The following KLF8 variants were observed in gnomAD, a reference collection of about 807,000 sequenced individuals.
KLF8 encodes the protein KLF transcription factor 8.
In KLF8, 10 loss-of-function variants were observed where a neutral mutation model predicts 18.2. That is an observed-to-expected ratio of 0.55 (90% confidence interval 0.34 to 0.93). The LOEUF is 0.93. Among genes scored for constraint, KLF8 ranks in the 40% least tolerant of loss-of-function variants. The probability of loss-of-function intolerance (pLI) is 0.02; values close to 1 mark genes in which losing one functional copy is unlikely to be tolerated. For synonymous variants in KLF8, 109 were observed against 97.3 expected, an observed-to-expected ratio of 1.12 and a Z score of -0.71; for missense variants, 264 against 277.9, an observed-to-expected ratio of 0.95 and a Z score of 0.36.
the KLF8 span, among the ~76,000 whole-genome samples, chrX:56,211,033 T>C: frequency 9.0e-6 from 1 of 111,537 alleles, no homozygotes; most frequent in East Asian, 2.8e-4. Context: ...TTCTCCAGGA[T>C]TGGCCATTTA....
In KLF8 at chrX:56,289,003, G is replaced by A. The variant is rs908832152; in HGVS notation, c.*4509G>A. Among the ~76,000 whole-genome samples the A allele has an allele frequency of 2.7e-5, 3 of 111,903 alleles. No individual in the cohort carries two copies. Among genetic ancestry groups the A allele is most frequent in the Non-Finnish European group, 5.6e-5 (3 of 53,215 alleles). On this transcript the variant is annotated 3_prime_UTR_variant, in exon 6 of 6. Transcript: ENST00000468660. ...GCAGCCCATGCTTCTGGAGTGGTAA[G>A]TTATATGCCACACCCTTCAGAGCAT...
chrX:56,270,372 ACACACACAC>A lies in KLF8; in HGVS notation c.898+52_898+60del, dbSNP rs770155497. ...AACACACACACACACACACACACAC[ACACACACAC>A]GAGAGAGAGAGAGAGAGAGGGGCAG... On this transcript the variant is annotated intron_variant, in intron 5 of 5. Coordinates refer to ENST00000468660, the MANE Select transcript of KLF8 (RefSeq NM_007250.5). 4.9e-5 allele frequency: 52 copies of A among 1,050,776 alleles called. No individual in the cohort carries two copies. The Middle Eastern group carries it at 1.1e-3, about 22-fold the overall frequency. 86.6% of individuals were successfully genotyped at this position (1,050,776 alleles called of 1,213,427 possible). A position where few individuals can be genotyped will look rare whatever the true frequency, so the allele number is the denominator to read the frequency against.
chrX:56,110,365 C>T, the KLF8 span, among the ~76,000 whole-genome samples: 5 of 111,598 alleles, frequency 4.5e-5, no homozygotes, highest in Non-Finnish European at 9.4e-5. Context: ...TTGTCTCTAA[C>T]CTAAGTCTAT....
the KLF8 span, among the ~76,000 whole-genome samples, chrX:56,211,617 C>G: frequency 8.5e-3 from 956 of 112,195 alleles, 10 homozygotes; most frequent in African/African-American, 0.03. Context: ...TCCTGCAGGG[C>G]AATGAGGTCC....
At chrX:56,078,469 G>A in the KLF8 span, among the ~76,000 whole-genome samples, 2 of 111,976 alleles carry the variant, frequency 1.8e-5, no homozygotes, top group Admixed American at 1.9e-4. Flanking sequence ...TATTGAACCA[G>A]CCTTGCATCC....
the KLF8 span, among the ~76,000 whole-genome samples, chrX:56,059,235 G>A: frequency 8.9e-6 from 1 of 111,842 alleles, no homozygotes; most frequent in Non-Finnish European, 1.9e-5. Context: ...TAAGTTCTTT[G>A]TAGATTCTGG....
At chrX:56,052,166 T>A in the KLF8 span, among the ~76,000 whole-genome samples, 1 of 110,815 alleles carries the variant, frequency 9.0e-6, no homozygotes, top group Non-Finnish European at 1.9e-5. Flanking sequence ...AGTTATACAT[T>A]CTTCTAAATT....
chrX:56,173,587 T>G, the KLF8 span, among the ~76,000 whole-genome samples: 1 of 112,023 alleles, frequency 8.9e-6, no homozygotes, highest in Admixed American at 9.5e-5. Flanking sequence ...TGCGGGCTCT[T>G]TTTTGGTTCC....
intron 2 of KLF8, among the ~76,000 whole-genome samples, chrX:56,253,965 A>G (rs2066754164): frequency 1.0e-5 from 1 of 98,287 alleles, no homozygotes; most frequent in South Asian, 4.8e-4. Flanking sequence ...GGGTTTCACC[A>G]TGTTAACCAG....
the KLF8 span, among the ~76,000 whole-genome samples, chrX:55,997,667 A>T: frequency 0.53 from 58,400 of 109,894 alleles, 13,717 homozygotes; most frequent in East Asian, 0.75. Context: ...TTATCTTTTG[A>T]TGAGAGAAGC....
At chrX:56,068,333 G>A in the KLF8 span, among the ~76,000 whole-genome samples, 2 of 110,488 alleles carry the variant, frequency 1.8e-5, no homozygotes, top group Non-Finnish European at 3.8e-5. Context: ...TGGCCCGACA[G>A]CCCACTTCTG....
chrX:55,999,957 C>T, the KLF8 span, among the ~76,000 whole-genome samples: 43 of 111,727 alleles, frequency 3.8e-4, no homozygotes, highest in East Asian at 1.1e-3. Flanking sequence ...TTTCCATATT[C>T]GGTATAATGT....
the KLF8 span, among the ~76,000 whole-genome samples, chrX:55,974,989 G>A: frequency 1.8e-5 from 2 of 111,759 alleles, no homozygotes; most frequent in Admixed American, 1.9e-4. Context: ...TAATTCCTAG[G>A]TTTAAAAATT....
At chrX:56,134,962 G>A in the KLF8 span, among the ~76,000 whole-genome samples, 8 of 111,430 alleles carry the variant, frequency 7.2e-5, no homozygotes, top group African/African-American at 1.6e-4. Context: ...ACCACAGTGC[G>A]ATACCACCTT....
At chrX:56,034,819 G>A in the KLF8 span, among the ~76,000 whole-genome samples, 3 of 89,793 alleles carry the variant, frequency 3.3e-5, no homozygotes, top group Non-Finnish European at 4.3e-5. Context: ...GCAGTGGCGC[G>A]TTCTCGGCTC....
the KLF8 span, among the ~76,000 whole-genome samples, chrX:56,100,726 G>T: frequency 3.7e-4 from 42 of 112,021 alleles, no homozygotes; most frequent in African/African-American, 1.3e-3. Flanking sequence ...AATCACAAGA[G>T]AACTAGAATT....
the KLF8 span, among the ~76,000 whole-genome samples, chrX:56,220,734 C>G: frequency 1.8e-5 from 2 of 112,003 alleles, no homozygotes; most frequent in Admixed American, 1.9e-4. Context: ...GTGATCCGCC[C>G]GCCTCAGCCT....
the KLF8 span, among the ~76,000 whole-genome samples, chrX:56,001,389 C>T: frequency 5.4e-5 from 6 of 111,641 alleles, no homozygotes; most frequent in South Asian, 3.8e-4. Context: ...TGATGGAGGA[C>T]GAGGCCCTCT....
the KLF8 span, among the ~76,000 whole-genome samples, chrX:56,031,633 G>T: frequency 9.0e-6 from 1 of 111,727 alleles, no homozygotes; most frequent in African/African-American, 3.3e-5. Flanking sequence ...CTGCAGGGAT[G>T]CTCCACAGGG....
Sources: allele counts gnomAD v4.1 joint callset (sites outside exome capture counted in the v4.1 genomes callset), GRCh38; gene constraint gnomAD v4.1.1; transcripts MANE v1.5; gene names NCBI Gene and HGNC (gene_info 2026-07-23, HGNC 2026-07-21).